The following WDPCP variants were observed in gnomAD, a reference collection of about 807,000 sequenced individuals.
The protein encoded by WDPCP is WD repeat-containing and planar cell polarity effector protein fritz homolog.
In WDPCP, 71 loss-of-function variants were observed where a neutral mutation model predicts 93.1. The ratio of observed to expected loss-of-function variants is 0.76; its 90% CI spans 0.63 to 0.93. The LOEUF (loss-of-function observed/expected upper bound fraction) is 0.93. Among genes scored for constraint, WDPCP ranks in the 40% least tolerant of loss-of-function variants. The pLI is 0.00. For missense variants in WDPCP, 844 were observed against 887.4 expected, an observed-to-expected ratio of 0.95 and a Z score of 0.62; for synonymous variants, 315 against 315.0, an observed-to-expected ratio of 1.00 and a Z score of 0.00.
chr2:63,806,343 G>A (rs2104061327), intron 2 of WDPCP, among the ~76,000 whole-genome samples: 1 of 152,246 alleles, frequency 6.6e-6, no homozygotes, highest in African/African-American at 2.4e-5. Flanking sequence ...TTATTAGGGA[G>A]TTTCAGAAGG....
intron 14 of WDPCP, chr2:63,229,788 T>G (rs1678657992): frequency 6.6e-6 from 1 of 151,948 alleles, no homozygotes; most frequent in African/African-American, 2.4e-5. Flanking sequence ...GTTCCATTGG[T>G]CTATATCTCT....
At chr2:63,155,967 T>C (rs1672215863) in intron 15 of WDPCP, among the ~76,000 whole-genome samples, 1 of 152,164 alleles carries the variant, frequency 6.6e-6, no homozygotes, top group African/African-American at 2.4e-5. Flanking sequence ...ACATCTTTAC[T>C]ATATTGAGTC....
intron 9 of WDPCP, among the ~76,000 whole-genome samples, chr2:63,411,329 G>A (rs574386625): frequency 2.8e-4 from 43 of 152,066 alleles, no homozygotes; most frequent in African/African-American, 7.9e-4. Context: ...AAAATTCTTC[G>A]AACTGAACAA....
chr2:63,153,132 G>T lies in WDPCP; in HGVS notation c.2159-187C>A. The T allele has an allele frequency of 6.6e-6, 4 of 608,618 alleles. No individual in the cohort carries two copies. In the South Asian group the frequency reaches 8.2e-5, roughly 12 times the overall value. The allele number at this position is 608,618 out of a possible 1,614,324, so 37.7% of individuals were successfully genotyped here. A position where few individuals can be genotyped will look rare whatever the true frequency, so the allele number is the denominator to read the frequency against. ...GTGCCAATCATTTTCATATATATGT[G>T]TATGGCTACCTTGCATTACAGTATT... is the stretch of plus-strand genomic sequence containing the variant. On this transcript the variant is annotated intron_variant, in intron 16 of 17. Coordinates refer to ENST00000272321, the MANE Select transcript of WDPCP (RefSeq NM_015910.7).
chr2:63,368,254 A>G (rs1261727156), intron 12 of WDPCP, among the ~76,000 whole-genome samples: 2 of 152,012 alleles, frequency 1.3e-5, no homozygotes, highest in East Asian at 3.8e-4. Context: ...AAAAGATTAC[A>G]TCACCTGTCA....
chr2:63,505,967 C>T (rs978592383), intron 1 of WDPCP, among the ~76,000 whole-genome samples: 1 of 151,888 alleles, frequency 6.6e-6, no homozygotes, highest in Non-Finnish European at 1.5e-5. Flanking sequence ...AGAACCATGT[C>T]CAGGAATTTA....
At chr2:63,540,725 T>A (rs894145632) in intron 1 of WDPCP, among the ~76,000 whole-genome samples, 44 of 152,290 alleles carry the variant, frequency 2.9e-4, no homozygotes, top group African/African-American at 1.0e-3. Flanking sequence ...TTTAATTGGA[T>A]CCATTTTGAT....
Position 63,372,111 on chromosome 2 carries a change from G to T in WDPCP, c.1748+6275C>A, listed in dbSNP as rs541500627. On this transcript the variant is annotated intron_variant, in intron 12 of 17. Coordinates refer to ENST00000272321, the MANE Select transcript of WDPCP (RefSeq NM_015910.7). ...GCTTTCACTCATGGCGGAAGGCAAA[G>T]GGGGAGCCAGCATCTCACATGGCAA... 4.6e-5 allele frequency among the ~76,000 whole-genome samples: 7 copies of T among 152,278 alleles called. No individual in the cohort carries two copies. The South Asian group carries it at 1.5e-3, about 32-fold the overall frequency.
chr2:63,233,579 G>C (rs1221373509), intron 14 of WDPCP: 2 of 162,948 alleles, frequency 1.2e-5, no homozygotes. Context: ...GAGAGACACA[G>C]ACGAAGTAAA....
chr2:63,142,717 T>A (rs1454192210), intron 17 of WDPCP, among the ~76,000 whole-genome samples: 3 of 152,116 alleles, frequency 2.0e-5, no homozygotes, highest in African/African-American at 7.2e-5. Context: ...GTGCTGTCAG[T>A]GGAGTAGTGT....
intron 14 of WDPCP, chr2:63,228,582 C>G (rs894875993): frequency 1.3e-5 from 2 of 151,866 alleles, no homozygotes; most frequent in African/African-American, 4.8e-5. Flanking sequence ...TCCCTCCCCC[C>G]TACCCCCACC....
chr2:63,833,301 G>A, the WDPCP span, among the ~76,000 whole-genome samples: 1 of 152,146 alleles, frequency 6.6e-6, no homozygotes, highest in Non-Finnish European at 1.5e-5. Flanking sequence ...TCTGTCTGGT[G>A]AGACAAGCTA....
intron 10 of WDPCP, among the ~76,000 whole-genome samples, chr2:63,387,460 C>A (rs1345976623): frequency 2.6e-5 from 4 of 151,580 alleles, no homozygotes; most frequent in Non-Finnish European, 4.4e-5. Context: ...AGAAAAAAAA[C>A]CTCAACAAAC....
intron 13 of WDPCP, among the ~76,000 whole-genome samples, chr2:63,265,293 A>C (rs753211428): frequency 3.9e-5 from 6 of 152,128 alleles, no homozygotes; most frequent in Admixed American, 1.3e-4. Flanking sequence ...TAAACTAACA[A>C]AGAAAAAAGA....
At chr2:63,687,262 T>C (rs554222988) in intron 2 of WDPCP, among the ~76,000 whole-genome samples, 168 of 152,310 alleles carry the variant, frequency 1.1e-3, no homozygotes, top group African/African-American at 3.9e-3. Flanking sequence ...TTCAAGACAT[T>C]GGAGTGGGCA....
intron 1 of WDPCP, among the ~76,000 whole-genome samples, chr2:63,819,331 T>G (rs1448650650): frequency 6.6e-6 from 1 of 151,508 alleles, no homozygotes; most frequent in African/African-American, 2.4e-5. Flanking sequence ...CTGAGGGATC[T>G]CCCTCAATTT....
intron 2 of WDPCP, among the ~76,000 whole-genome samples, chr2:63,808,352 T>TC (rs2104071290): frequency 1.4e-5 from 1 of 73,778 alleles, no homozygotes; most frequent in African/African-American, 5.4e-5. Context: ...CCCCACGGTC[T>TC]CCCTCTCCCT....
rs796718833 is a variant in WDPCP, at chr2:63,606,658, G to GTT, written n.488+43999_488+44000dup. Among the ~76,000 whole-genome samples the GTT allele has an allele frequency of 4.1e-5, 6 of 145,176 alleles. 1 individual carries two copies. The highest frequency in any genetic ancestry group is 1.0e-4 in the African/African-American group (4 of 39,824). ...TGTGCTAAAGTCAGTCATTTTTGAAGTTTTTTTTTTTTAGATTCAAGGGGT... is the reference window on the plus strand; with the variant it reads ...TGTGCTAAAGTCAGTCATTTTTGAAGTTTTTTTTTTTTTTAGATTCAAGGGGT... On this transcript the variant is annotated intron_variant and non_coding_transcript_variant, in intron 3 of 4. Transcript: ENST00000467687.
chr2:63,205,311 C>T (rs1003050818), intron 14 of WDPCP, among the ~76,000 whole-genome samples: 2 of 151,958 alleles, frequency 1.3e-5, no homozygotes, highest in African/African-American at 2.4e-5. Context: ...GGCTACTCTG[C>T]GTCTCTTGTG....
Sources: allele counts gnomAD v4.1 joint callset (sites outside exome capture counted in the v4.1 genomes callset), GRCh38; gene constraint gnomAD v4.1.1; transcripts MANE v1.5; gene names NCBI Gene and HGNC (gene_info 2026-07-23, HGNC 2026-07-21).